The following CDH9 variants were observed in gnomAD, a reference collection of about 807,000 sequenced individuals.
CDH9 encodes the protein cadherin 9.
A neutral mutation model predicts 70.9 loss-of-function variants in CDH9; 28 were observed. The observed-to-expected ratio is 0.40, with a 90% CI of 0.29 to 0.54. CDH9 has a LOEUF of 0.54. Ranked by LOEUF, CDH9 falls within the 20% of genes least tolerant of loss-of-function variation. The pLI is 0.59. For synonymous variants in CDH9, 409 were observed against 343.1 expected (o/e 1.19, Z -2.12); for missense variants, 874 against 984.4 (o/e 0.89, Z 1.50).
chr5:26,895,705 G>A (rs927301357), intron 7 of CDH9, among the ~76,000 whole-genome samples: 1 of 152,034 alleles, frequency 6.6e-6, no homozygotes, highest in South Asian at 2.1e-4. Context: ...ATAATCTCAT[G>A]TTGCAAGTGG....
At chr5:27,035,673 GACGTGTGT>G (rs1743378615) in intron 1 of CDH9, among the ~76,000 whole-genome samples, 2 of 120,590 alleles carry the variant, frequency 1.7e-5, no homozygotes, top group African/African-American at 6.8e-5. Flanking sequence ...TATTGCTATT[GACGTGTGT>G]GTGTGTGTGT....
intron 1 of CDH9, among the ~76,000 whole-genome samples, chr5:27,025,841 A>AT (rs944536393): frequency 6.6e-6 from 1 of 151,868 alleles, no homozygotes; most frequent in Non-Finnish European, 1.5e-5. Flanking sequence ...ACAGAATTAT[A>AT]TTTTTTGGAG....
At chr5:27,035,112 A>G (rs1043064856) in intron 1 of CDH9, among the ~76,000 whole-genome samples, 1 of 149,936 alleles carries the variant, frequency 6.7e-6, no homozygotes, top group Non-Finnish European at 1.5e-5. Flanking sequence ...GTATTTTTCT[A>G]TATTTCCAAT....
chr5:26,978,460 T>A (rs184326280), intron 2 of CDH9, among the ~76,000 whole-genome samples: 1 of 151,860 alleles, frequency 6.6e-6, no homozygotes, highest in East Asian at 1.9e-4. Flanking sequence ...TTTTCCAAAT[T>A]TAAGCACAGA....
At chr5:26,991,729 AAAAAT>A (rs1269636379) in intron 1 of CDH9, among the ~76,000 whole-genome samples, 6 of 152,184 alleles carry the variant, frequency 3.9e-5, no homozygotes, top group Non-Finnish European at 8.8e-5. Context: ...AGGGTGAAGA[AAAAAT>A]AAAAATAAGG....
intron 1 of CDH9, among the ~76,000 whole-genome samples, chr5:27,018,241 G>A (rs1185594368): frequency 1.3e-5 from 2 of 151,586 alleles, no homozygotes; most frequent in Non-Finnish European, 2.9e-5. Context: ...TATGGGAAGA[G>A]AATTTTAAAA....
chr5:26,952,921 A>AAAAAC (rs1554000078), intron 2 of CDH9, among the ~76,000 whole-genome samples: 1 of 129,302 alleles, frequency 7.7e-6, no homozygotes, highest in African/African-American at 2.9e-5. Context: ...AAAAAAAAAA[A>AAAAAC]AGTTTAAAGA....
chr5:26,926,483 G>A (rs1172210237), intron 2 of CDH9, among the ~76,000 whole-genome samples: 1 of 151,896 alleles, frequency 6.6e-6, no homozygotes, highest in Non-Finnish European at 1.5e-5. Flanking sequence ...TCATGGATAG[G>A]AAGAATCAAT....
chr5:27,027,642 C>G (rs573543648), intron 1 of CDH9, among the ~76,000 whole-genome samples: 5 of 152,152 alleles, frequency 3.3e-5, no homozygotes, highest in Non-Finnish European at 1.5e-5. Context: ...GGCTCCAGGA[C>G]TCTACCTGTC....
intron 2 of CDH9, among the ~76,000 whole-genome samples, chr5:26,927,419 G>A (rs1405366891): frequency 1.3e-5 from 2 of 151,852 alleles, no homozygotes; most frequent in African/African-American, 4.8e-5. Flanking sequence ...AGACATAAAT[G>A]GCATCCAATG....
rs968345581 is a variant in CDH9, at chr5:26,886,062, T to C, written c.1534A>G (p.Met512Val). 3.7e-6 allele frequency: 6 copies of C among 1,604,070 alleles called. No individual in the cohort carries two copies. Among genetic ancestry groups the C allele is most frequent in the Admixed American group, 1.7e-5 (1 of 57,590 alleles). The change falls in exon 10 of 12, where the codon ATG (methionine) becomes GTG (valine). Residue 512 changes from methionine to valine, a missense_variant. Met to Val is a conservative substitution (Grantham distance 21). Transcript: ENST00000231021. ...PGQLIQTVSV[M>V]DKDDPPRGHK... ...CCTCGGGGAGGGTCATCCTTATCCA[T>C]GACACTGACAGTCTGAATCAACTGA...
intron 7 of CDH9, among the ~76,000 whole-genome samples, chr5:26,895,438 T>G (rs536504114): frequency 2.6e-5 from 4 of 152,056 alleles, no homozygotes; most frequent in Non-Finnish European, 5.9e-5. Context: ...CCAGTTTATT[T>G]TGAAGTCATG....
At chr5:26,906,485 T>G (rs1740950966) in intron 4 of CDH9, among the ~76,000 whole-genome samples, 1 of 152,186 alleles carries the variant, frequency 6.6e-6, no homozygotes, top group African/African-American at 2.4e-5. Flanking sequence ...TGAAATTTTG[T>G]ATTTAGTGTT....
chr5:26,933,363 AT>A (rs1163285771), intron 2 of CDH9, among the ~76,000 whole-genome samples: 1 of 151,834 alleles, frequency 6.6e-6, no homozygotes, highest in African/African-American at 2.4e-5. Context: ...GTCCAAAAAA[AT>A]AAATAGGAAA....
chr5:26,945,331 T>C (rs897090762), intron 2 of CDH9, among the ~76,000 whole-genome samples: 2 of 152,102 alleles, frequency 1.3e-5, no homozygotes, highest in Non-Finnish European at 2.9e-5. Context: ...TTTTATTTTT[T>C]CATTAAAATA....
chr5:26,898,367 A>G (rs565271046), intron 7 of CDH9, among the ~76,000 whole-genome samples: 1 of 152,256 alleles, frequency 6.6e-6, no homozygotes, highest in Non-Finnish European at 1.5e-5. Context: ...TATAGCAAAG[A>G]CAATCCTAAG....
intron 2 of CDH9, among the ~76,000 whole-genome samples, chr5:26,928,471 C>T (rs1443895372): frequency 6.6e-6 from 1 of 152,032 alleles, no homozygotes; most frequent in African/African-American, 2.4e-5. Context: ...CAGTGACATT[C>T]TTCTTAAGAA....
At chr5:26,938,900 A>T (rs1741609096) in intron 2 of CDH9, among the ~76,000 whole-genome samples, 2 of 152,154 alleles carry the variant, frequency 1.3e-5, no homozygotes, top group Admixed American at 6.6e-5. Flanking sequence ...AACAGAAAAG[A>T]TTTATAAGAG....
intron 5 of CDH9, 56 bp downstream of exon 5, chr5:26,905,903 G>A (rs1000694494): frequency 2.5e-5 from 32 of 1,288,562 alleles, no homozygotes; most frequent in African/African-American, 4.4e-5. Flanking sequence ...TATTAAACTC[G>A]GCTACTAGTG....
Sources: gnomAD v4.1 joint callset for allele counts (sites outside exome capture counted in the v4.1 genomes callset) on GRCh38, gnomAD v4.1.1 for gene constraint, MANE v1.5 for transcripts, NCBI Gene and HGNC (gene_info 2026-07-23, HGNC 2026-07-21) for gene names.